The following LRRTM4 variants were observed in gnomAD, a reference collection of about 807,000 sequenced individuals.
LRRTM4 encodes leucine-rich repeat transmembrane neuronal protein 4.
A neutral mutation model predicts 47.6 loss-of-function variants in LRRTM4; 25 were observed. That is an observed-to-expected ratio of 0.53 (90% CI 0.38 to 0.73). The LOEUF (loss-of-function observed/expected upper bound fraction) is 0.73. LRRTM4 is among the 30% of genes least tolerant of loss of function. The probability of loss-of-function intolerance (pLI) is 0.00; values close to 1 mark genes in which losing one functional copy is unlikely to be tolerated. For synonymous variants in LRRTM4, 311 were observed against 269.5 expected (o/e 1.15, Z -1.51); for missense variants, 638 against 713.4 (o/e 0.89, Z 1.20).
chr2:77,203,112 C>CAT (rs1405896473), intron 3 of LRRTM4, among the ~76,000 whole-genome samples: 1 of 151,790 alleles, frequency 6.6e-6, no homozygotes. Context: ...TATACACACA[C>CAT]ATATATACAT....
chr2:77,037,316 T>C (rs1002225790), intron 3 of LRRTM4, among the ~76,000 whole-genome samples: 1 of 151,752 alleles, frequency 6.6e-6, no homozygotes, highest in Non-Finnish European at 1.5e-5. Context: ...AAGTTCACAC[T>C]AGTGATCAAA....
At chr2:77,496,744 T>C (rs1678378718) in intron 3 of LRRTM4, among the ~76,000 whole-genome samples, 1 of 151,808 alleles carries the variant, frequency 6.6e-6, no homozygotes, top group African/African-American at 2.4e-5. Flanking sequence ...GCCTGTAGTA[T>C]TGTTTCTTGT....
chr2:76,974,705 G>T (rs893395040), intron 3 of LRRTM4, among the ~76,000 whole-genome samples: 28 of 151,566 alleles, frequency 1.8e-4, no homozygotes, highest in Non-Finnish European at 3.4e-4. Context: ...AAATTTGAGA[G>T]AATTAATTCA....
At chr2:76,779,763 T>A (rs997891267) in intron 3 of LRRTM4, among the ~76,000 whole-genome samples, 1 of 152,232 alleles carries the variant, frequency 6.6e-6, no homozygotes, top group Non-Finnish European at 1.5e-5. Flanking sequence ...CCAGTTACAT[T>A]TAAAGATAAT....
chr2:77,095,852 A>G (rs1381254121), intron 3 of LRRTM4, among the ~76,000 whole-genome samples: 1 of 152,182 alleles, frequency 6.6e-6, no homozygotes, highest in Non-Finnish European at 1.5e-5. Context: ...ATTTGACAAC[A>G]TGAATGCAAC....
chr2:76,807,655 G>A (rs908761063), intron 3 of LRRTM4, among the ~76,000 whole-genome samples: 3 of 148,938 alleles, frequency 2.0e-5, no homozygotes, highest in Non-Finnish European at 3.0e-5. Flanking sequence ...GCAACGGTGC[G>A]ATCTCAGCTC....
rs139383419 is a variant in LRRTM4, at chr2:77,035,777, C to G, written c.1552-286861G>C. 4.8e-3 allele frequency among the ~76,000 whole-genome samples: 733 copies of G among 151,736 alleles called. 10 individuals carry two copies. Among genetic ancestry groups the G allele is most frequent in the African/African-American group, 0.017 (709 of 41,430 alleles). On this transcript the variant is annotated intron_variant, in intron 3 of 3. Transcript: ENST00000409884. ...CACCACAATTTGTTTAGTAATTTAC[C>G]TGTTGGAGAGCATGTGAGTTGATTT...
intron 3 of LRRTM4, among the ~76,000 whole-genome samples, chr2:77,299,918 C>T (rs1042429496): frequency 7.2e-6 from 1 of 138,490 alleles, no homozygotes; most frequent in African/African-American, 2.7e-5. Flanking sequence ...GTGGCGCAAT[C>T]TCGGCTCACT....
At chr2:77,403,103 A>G (rs1421720033) in intron 3 of LRRTM4, among the ~76,000 whole-genome samples, 3 of 151,760 alleles carry the variant, frequency 2.0e-5, no homozygotes, top group Non-Finnish European at 4.4e-5. Context: ...TAATTATGCC[A>G]TTTTTGTGCT....
At chr2:77,009,531 C>G (rs572246539) in intron 3 of LRRTM4, 2 of 152,052 alleles carry the variant, frequency 1.3e-5, no homozygotes, top group Non-Finnish European at 2.9e-5. Context: ...TTTTCAAGTG[C>G]CAAAAGGTAT....
In LRRTM4 at chr2:77,518,619, T is replaced by A. The variant is rs1679331290; in HGVS notation, c.1250A>T (p.Tyr417Phe). 1 of 1,613,340 alleles carries A rather than the reference T, an allele frequency of 6.2e-7. No homozygotes were observed. Residue 417 changes from tyrosine (Y) to phenylalanine (F), a missense_variant, in exon 3 of 4, where the codon TAT (tyrosine) becomes TTT (phenylalanine). Transcript: ENST00000409884. ...AATTTTGTGAAATGAAACATGCTCA[T>A]ACTCTTGCTCTGCGCCAGGAATCTG... ...GFQIPGAEQE[Y>F]EHVSFHKIIA...
chr2:77,444,893 T>C (rs373406096), intron 3 of LRRTM4, among the ~76,000 whole-genome samples: 3 of 149,692 alleles, frequency 2.0e-5, no homozygotes, highest in East Asian at 3.9e-4. Context: ...AAATGCAGCA[T>C]ATATGCACCT....
At chr2:77,339,417 T>C (rs1671287859) in intron 3 of LRRTM4, among the ~76,000 whole-genome samples, 1 of 152,074 alleles carries the variant, frequency 6.6e-6, no homozygotes, top group Admixed American at 6.6e-5. Context: ...TTTTCTCCCC[T>C]TTAATTCTAT....
In LRRTM4 at chr2:76,983,718, A is replaced by G. The variant is rs1020093024; in HGVS notation, c.1552-234802T>C. Among the ~76,000 whole-genome samples the G allele has an allele frequency of 3.3e-5, 5 of 152,226 alleles. No homozygotes were observed. The East Asian group carries it at 9.7e-4, about 30-fold the overall frequency. On this transcript the variant is annotated intron_variant, in intron 3 of 3. Transcript: ENST00000409884. ...AAATCATACATGAGATAGAGCAATC[A>G]TACACAGAAAGAAATGATGTGGATC... is the stretch of plus-strand genomic sequence containing the variant.
chr2:77,175,055 TTTTC>T (rs774129940), intron 3 of LRRTM4, among the ~76,000 whole-genome samples: 9 of 145,898 alleles, frequency 6.2e-5, no homozygotes, highest in African/African-American at 1.8e-4. Flanking sequence ...AGAAATCTAT[TTTTC>T]TTTATTTCTT....
intron 3 of LRRTM4, among the ~76,000 whole-genome samples, chr2:76,914,079 T>C (rs1049598538): frequency 1.3e-5 from 2 of 151,860 alleles, no homozygotes; most frequent in African/African-American, 4.8e-5. Flanking sequence ...GTATTATTTA[T>C]ATAACTATCT....
At chr2:76,772,783 G>A (rs1673767428) in intron 3 of LRRTM4, 1 of 150,934 alleles carries the variant, frequency 6.6e-6, no homozygotes, top group Admixed American at 6.6e-5. Flanking sequence ...ATTACGGTCT[G>A]TTGTTATAGT....
chr2:77,377,036 G>A (rs1343314399), intron 3 of LRRTM4, among the ~76,000 whole-genome samples: 2 of 151,756 alleles, frequency 1.3e-5, no homozygotes, highest in Non-Finnish European at 2.9e-5. Context: ...TATATTATGA[G>A]TGATGATATA....
At chr2:76,986,070 ATGAG>A (rs1234514625) in intron 3 of LRRTM4, 1 of 151,870 alleles carries the variant, frequency 6.6e-6, no homozygotes, top group Non-Finnish European at 1.5e-5. Context: ...ATCTAGAGAT[ATGAG>A]TGATTAATCT....
Sources: gnomAD v4.1 joint callset for allele counts (sites outside exome capture counted in the v4.1 genomes callset) on GRCh38, gnomAD v4.1.1 for gene constraint, MANE v1.5 for transcripts, NCBI Gene and HGNC (gene_info 2026-07-23, HGNC 2026-07-21) for gene names.